The following ZNF710 variants were observed in gnomAD, a reference collection of about 807,000 sequenced individuals.
ZNF710 encodes zinc finger protein 710.
ZNF710 carries 13 observed loss-of-function variants against 50.6 expected under a neutral mutation model. The observed-to-expected ratio is 0.26, with a 90% CI of 0.17 to 0.41. The LOEUF (loss-of-function observed/expected upper bound fraction) is 0.41. ZNF710 is among the 10% of genes least tolerant of loss of function. The pLI is 1.00. For synonymous variants in ZNF710, 383 were observed against 397.0 expected (o/e 0.96, Z 0.42); for missense variants, 721 against 936.6 (o/e 0.77, Z 3.01).
In ZNF710 at chr15:90,034,197, CAAAAAAAAAG is replaced by C. The variant is rs1567228103; in HGVS notation, c.-29+32588_-29+32597del. On this transcript the variant is annotated intron_variant, in intron 1 of 4. Transcript: ENST00000268154. The surrounding 1 kb of genome is among the most constrained non-coding windows in gnomAD (Gnocchi z 4.0). ...TGGGTGACAGAGTGAGACTCTGTCT[CAAAAAAAAAG>C]AAAAGAAAAGAAAAGAAAAGAAAAC... 7.3e-6 allele frequency among the ~76,000 whole-genome samples: 1 copy of C among 137,692 alleles called. No individual in the cohort carries two copies. Among genetic ancestry groups the C allele is most frequent in the African/African-American group, 2.9e-5 (1 of 34,120 alleles). The allele number at this position is 137,692 out of a possible 152,430, so 90.3% of individuals were successfully genotyped here.
In ZNF710 at chr15:90,042,938, T is replaced by G. The variant is rs571941871; in HGVS notation, c.-28-24172T>G. On this transcript the variant is annotated intron_variant, in intron 1 of 4. Transcript: ENST00000268154. The stretch of plus-strand genomic sequence containing the variant: ...CACGCCTCAACGTCCAAAGAGGCCC[T>G]CCCTCGTGAGTGACATAGACCCAAC... 2.0e-5 allele frequency among the ~76,000 whole-genome samples: 3 copies of G among 152,346 alleles called. No homozygotes were observed. The South Asian group carries it at 6.2e-4, about 32-fold the overall frequency.
At chr15:90,046,111 G>C (rs1436724376) in intron 1 of ZNF710, among the ~76,000 whole-genome samples, 1 of 152,188 alleles carries the variant, frequency 6.6e-6, no homozygotes, top group Non-Finnish European at 1.5e-5. Flanking sequence ...GCAGAAGGAA[G>C]CTACCTCTGG....
In ZNF710 at chr15:90,067,137, G is replaced by C. The variant is rs776891924; in HGVS notation, c.-1G>C. Reference sequence around the variant, plus strand: ...ATGCCCTCCTAGCTAGCCGTCACGGGATGGAGGGCTTCATGGACTCAGGGA... The same window carrying C: ...ATGCCCTCCTAGCTAGCCGTCACGGCATGGAGGGCTTCATGGACTCAGGGA... On this transcript the variant is annotated 5_prime_UTR_variant, in exon 2 of 5. Coordinates refer to ENST00000268154, the MANE Select transcript of ZNF710 (RefSeq NM_198526.4). The surrounding 1 kb of genome is among the most constrained non-coding windows in gnomAD (Gnocchi z 8.1). The C allele has an allele frequency of 1.3e-6, 2 of 1,592,298 alleles. No individual in the cohort carries two copies. The highest frequency in any genetic ancestry group is 1.3e-5 in the African/African-American group (1 of 74,330).
rs760016454 is a variant in ZNF710 at position 90,067,624 on chromosome 15, G to C, written c.487G>C (p.Ala163Pro). 2.4e-5 allele frequency: 39 copies of C among 1,611,628 alleles called. No homozygotes were observed. The highest frequency in any genetic ancestry group is 2.9e-5 in the Non-Finnish European group (34 of 1,179,210). The change falls in exon 2 of 5, where the codon GCC becomes CCC. Residue 163 changes from alanine (A) to proline (P), a missense_variant. Around this residue, in one of 3 missense-constraint regions of ZNF710, gnomAD observed 326 missense variants for 347.1 expected, o/e 0.94. Coordinates refer to ENST00000268154, the MANE Select transcript of ZNF710 (RefSeq NM_198526.4). The surrounding 1 kb of genome is among the most constrained non-coding windows in gnomAD (Gnocchi z 8.1). ...CGCCGTCAAGATGATCGACCTCAGC[G>C]CCTTCAGCCGCAAGCCCCGGACGCT... ...SSAVKMIDLSAFSRKPRTLRH... is the reference protein window; with the variant it reads ...SSAVKMIDLSPFSRKPRTLRH...
chr15:90,009,347 A>G (rs924082395), intron 1 of ZNF710, among the ~76,000 whole-genome samples: 1 of 151,952 alleles, frequency 6.6e-6, no homozygotes, highest in African/African-American at 2.4e-5. Context: ...TCACTCTGTG[A>G]TGTCCGATCC....
chr15:90,029,796 G>A (rs1271123151), intron 1 of ZNF710, among the ~76,000 whole-genome samples: 2 of 151,664 alleles, frequency 1.3e-5, no homozygotes, highest in Admixed American at 6.6e-5. Flanking sequence ...TCTATTTTTA[G>A]TAGAGATGGG....
chr15:90,065,577 G>A (rs1900143693), intron 1 of ZNF710, among the ~76,000 whole-genome samples: 1 of 149,968 alleles, frequency 6.7e-6, no homozygotes, highest in East Asian at 2.0e-4. Flanking sequence ...GGGTCAGCAG[G>A]GTTGGGAAAA....
At chr15:90,019,529 T>C (rs1421412872) in intron 1 of ZNF710, among the ~76,000 whole-genome samples, 2 of 152,252 alleles carry the variant, frequency 1.3e-5, no homozygotes. Flanking sequence ...ATTTGGATTC[T>C]GTTTAGCCAA....
chr15:90,045,937 G>A (rs889502390), intron 1 of ZNF710, among the ~76,000 whole-genome samples: 16 of 152,128 alleles, frequency 1.1e-4, no homozygotes, highest in African/African-American at 3.6e-4. Context: ...GTCGGGCAGC[G>A]GGCCTGGAAG....
chr15:90,016,656 C>G (rs531272898), intron 1 of ZNF710, among the ~76,000 whole-genome samples: 2 of 152,112 alleles, frequency 1.3e-5, no homozygotes, highest in Admixed American at 6.5e-5. Context: ...CTCAAGCTAA[C>G]GGCCTCAGTG....
rs755904770 is a variant in ZNF710 at position 90,067,173 on chromosome 15, C to T, written c.36C>T (p.Asp12=). The part of the protein sequence containing the change: ...EGFMDSGTQT[D]AVVVLSLAQA... The stretch of plus-strand genomic sequence containing the variant: ...TCATGGACTCAGGGACACAGACGGA[C>T]GCCGTGGTGGTGCTGTCCTTGGCTC... The change falls in exon 2 of 5, where the codon GAC becomes GAT. Residue 12 remains aspartate, a synonymous_variant. Coordinates refer to ENST00000268154, the MANE Select transcript of ZNF710 (RefSeq NM_198526.4). The surrounding 1 kb of genome is among the most constrained non-coding windows in gnomAD (Gnocchi z 8.1). 22 of 1,610,346 alleles carry T rather than the reference C, an allele frequency of 1.4e-5. No individual in the cohort carries two copies. Among genetic ancestry groups the T allele is most frequent in the South Asian group, 7.7e-5 (7 of 90,720 alleles).
rs986210601 is a variant in ZNF710, at chr15:90,062,461, T to C, written c.-28-4649T>C. Among the ~76,000 whole-genome samples the C allele has an allele frequency of 6.6e-6, 1 of 151,872 alleles. No individual in the cohort carries two copies. The highest frequency in any genetic ancestry group is 6.6e-5 in the Admixed American group (1 of 15,248). The stretch of plus-strand genomic sequence containing the variant: ...ACATGGGGGGAGCTTTTGTTCTGAG[T>C]CCTTAGCACAAGTGGTGGGAGAGGC... On this transcript the variant is annotated intron_variant, in intron 1 of 4. Coordinates refer to ENST00000268154, the MANE Select transcript of ZNF710 (RefSeq NM_198526.4). The surrounding 1 kb of genome is among the most constrained non-coding windows in gnomAD (Gnocchi z 5.6).
intron 1 of ZNF710, among the ~76,000 whole-genome samples, chr15:90,045,613 G>C (rs1313692257): frequency 6.6e-6 from 1 of 152,134 alleles, no homozygotes; most frequent in East Asian, 1.9e-4. Flanking sequence ...GCCAGATGAG[G>C]AGGAGGCCCA....
At chr15:89,999,145 A>C (rs1897965876), upstream of ZNF710, among the ~76,000 whole-genome samples, 3 of 152,174 alleles carry the variant, frequency 2.0e-5, no homozygotes, top group African/African-American at 7.2e-5. Context: ...AGCACAGCCT[A>C]ATCTAGACAC....
At chr15:90,074,734 T>G (rs1427429490) in intron 4 of ZNF710, 2 of 346,128 alleles carry the variant, frequency 5.8e-6, no homozygotes, top group Non-Finnish European at 1.1e-5. Flanking sequence ...AATAAGTGTA[T>G]GGGAAAGAAA....
chr15:90,032,967 T>C (rs189617080), intron 1 of ZNF710, among the ~76,000 whole-genome samples: 1 of 152,288 alleles, frequency 6.6e-6, no homozygotes, highest in East Asian at 1.9e-4. Flanking sequence ...AATTTTCACT[T>C]AAGAGGAAAT....
chr15:90,012,129 C>T lies in ZNF710; in HGVS notation c.-29+10515C>T, dbSNP rs190876256. On this transcript the variant is annotated intron_variant, in intron 1 of 4. Coordinates refer to ENST00000268154, the MANE Select transcript of ZNF710 (RefSeq NM_198526.4). ...CTGAGGCATGAGAATCGCTTGAACCCGGGAGGTAGAGGTTGCAGTGAGCTG... is the reference window on the plus strand; with the variant it reads ...CTGAGGCATGAGAATCGCTTGAACCTGGGAGGTAGAGGTTGCAGTGAGCTG... Among the ~76,000 whole-genome samples, 6 of 151,694 alleles carry T rather than the reference C, an allele frequency of 4.0e-5. No homozygotes were observed. In the South Asian group the frequency reaches 6.2e-4, roughly 16 times the overall value.
At chr15:90,058,658 G>A (rs968723196) in intron 1 of ZNF710, among the ~76,000 whole-genome samples, 22 of 150,386 alleles carry the variant, frequency 1.5e-4, no homozygotes, top group African/African-American at 5.5e-4. Flanking sequence ...TATCAGTCAG[G>A]GTTCTAGAGT....
chr15:90,071,268 A>C (rs1200853707), intron 2 of ZNF710, among the ~76,000 whole-genome samples: 1 of 152,148 alleles, frequency 6.6e-6, no homozygotes, highest in Non-Finnish European at 1.5e-5. Flanking sequence ...TCTTAAAAAA[A>C]AAAAAAAAAT....
Sources: allele counts gnomAD v4.1 joint callset (sites outside exome capture counted in the v4.1 genomes callset), GRCh38; gene constraint gnomAD v4.1.1; regional missense constraint gnomAD v4.1.1; non-coding constraint Gnocchi (gnomAD v3.1); transcripts MANE v1.5; gene names NCBI Gene and HGNC (gene_info 2026-07-23, HGNC 2026-07-21).